CRB1: variants seen among roughly 807,000 people sequenced by gnomAD.
The protein encoded by CRB1 is protein crumbs homolog 1.
Under a neutral mutation model 120.0 loss-of-function variants are expected in CRB1, and 83 were observed. The ratio of observed to expected loss-of-function variants is 0.69; its 90% confidence interval spans 0.58 to 0.83. CRB1 has a LOEUF of 0.83. Ranked by LOEUF, CRB1 falls within the 40% of genes least tolerant of loss-of-function variation. The pLI is 0.00. For synonymous variants in CRB1, 625 were observed against 612.5 expected (o/e 1.02, Z -0.30); for missense variants, 1,699 against 1,687.6 (o/e 1.01, Z -0.12).
intron 11 of CRB1, among the ~76,000 whole-genome samples, chr1:197,463,590 C>G (rs1317452917): frequency 1.3e-5 from 2 of 152,134 alleles, no homozygotes; most frequent in Non-Finnish European, 1.5e-5. Context: ...CGTAATTAAA[C>G]AAGCCCTGAT....
intron 1 of CRB1, among the ~76,000 whole-genome samples, chr1:197,279,443 G>A (rs1469730355): frequency 6.6e-6 from 1 of 150,744 alleles, no homozygotes; most frequent in Non-Finnish European, 1.5e-5. Context: ...ATTACTTTCT[G>A]TAATTATAAA....
chr1:197,381,614 T>A (rs1175774845), intron 5 of CRB1, among the ~76,000 whole-genome samples: 1 of 152,230 alleles, frequency 6.6e-6, no homozygotes, highest in African/African-American at 2.4e-5. Context: ...ACACATAGTT[T>A]GGTCAAATTA....
chr1:197,262,355 A>G, the CRB1 span, among the ~76,000 whole-genome samples: 4 of 152,036 alleles, frequency 2.6e-5, no homozygotes, highest in African/African-American at 9.7e-5. Context: ...TTGTCTATAA[A>G]TCTTCCTTTT....
At position 197,435,602 on chromosome 1, in the gene CRB1, A is replaced by G. The variant is rs1222907981; in HGVS notation, c.3739A>G (p.Lys1247Glu). 3.1e-6 allele frequency: 5 copies of G among 1,612,034 alleles called. No individual in the cohort carries two copies. Among genetic ancestry groups the G allele is most frequent in the Non-Finnish European group, 4.2e-6 (5 of 1,178,964 alleles). ...CCTCTGTTTTGGAAATTTTACAGGAAAATTTTGCAGGTGAGCATAAAGTCC... is the reference window on the plus strand; with the variant it reads ...CCTCTGTTTTGGAAATTTTACAGGAGAATTTTGCAGGTGAGCATAAAGTCC... ...SCLCFGNFTG[K>E]FCRQSRLPST... Residue 1247 changes from lysine to glutamate, a missense_variant, in exon 9 of 12, where the codon AAA becomes GAA. Coordinates refer to ENST00000367400, the MANE Select transcript of CRB1 (RefSeq NM_201253.3).
chr1:197,385,320 G>T, intron 5 of CRB1, among the ~76,000 whole-genome samples: 1 of 152,060 alleles, frequency 6.6e-6, no homozygotes, highest in East Asian at 1.9e-4. Context: ...ATCTTTAAAA[G>T]AACAATGTAA....
the CRB1 span, among the ~76,000 whole-genome samples, chr1:197,229,097 A>G: frequency 2.6e-5 from 4 of 152,068 alleles, no homozygotes; most frequent in African/African-American, 9.7e-5. Flanking sequence ...CGTATCAAGG[A>G]CCCTCTCCGA....
chr1:197,253,423 A>G, the CRB1 span, among the ~76,000 whole-genome samples: 1 of 152,112 alleles, frequency 6.6e-6, no homozygotes, highest in African/African-American at 2.4e-5. Flanking sequence ...ATTTTTTAAC[A>G]CAGTGTATCA....
At chr1:197,319,967 AT>A (rs1658096821) in intron 1 of CRB1, among the ~76,000 whole-genome samples, 1 of 152,180 alleles carries the variant, frequency 6.6e-6, no homozygotes, top group Non-Finnish European at 1.5e-5. Context: ...TGGAGGATGA[AT>A]ATTAGTTGGC....
At position 197,275,159 on chromosome 1, in the gene CRB1, C is replaced by T. The variant is rs565645724; in HGVS notation, c.70+6677C>T. Among the ~76,000 whole-genome samples the T allele has an allele frequency of 1.4e-4, 21 of 151,970 alleles. 1 individual carries two copies. The highest frequency in any genetic ancestry group is 2.1e-4 in the South Asian group (1 of 4,832). On this transcript the variant is annotated intron_variant, in intron 1 of 11. Transcript: ENST00000367400. ...CTCTCTTCTATTCTTCTTATAAGGA[C>T]GTCAGTCATATTGGAGTAGATTCAC...
chr1:197,313,364 T>C (rs1657661459), intron 1 of CRB1, among the ~76,000 whole-genome samples: 1 of 152,220 alleles, frequency 6.6e-6, no homozygotes. Flanking sequence ...GAATGTGATA[T>C]TTTGATACAT....
At chr1:197,420,825 G>A (rs1487355745) in intron 5 of CRB1, among the ~76,000 whole-genome samples, 175 bp from the exon 6 acceptor site, 1 of 152,104 alleles carries the variant, frequency 6.6e-6, no homozygotes, top group African/African-American at 2.4e-5. Flanking sequence ...TCATGACACA[G>A]GTGGAATATA....
In CRB1 at chr1:197,419,843, C is replaced by T. The variant is rs530699156; in HGVS notation, c.1172-1157C>T. ...AAAAAAAATTAACCAGGCGTGGTGG[C>T]GGGCGCCTGTAGTCCAAGCTACTCG... On this transcript the variant is annotated intron_variant, in intron 5 of 11. Coordinates refer to ENST00000367400, the MANE Select transcript of CRB1 (RefSeq NM_201253.3). Among the ~76,000 whole-genome samples the T allele has an allele frequency of 5.1e-4, 76 of 149,928 alleles. No individual in the cohort carries two copies. In the East Asian group the frequency reaches 0.014, roughly 28 times the overall value.
chr1:197,405,308 C>T (rs2125440729), intron 5 of CRB1, among the ~76,000 whole-genome samples: 1 of 152,276 alleles, frequency 6.6e-6, no homozygotes, highest in African/African-American at 2.4e-5. Flanking sequence ...CAGCTCCTAA[C>T]CGCGAGTGAT....
intron 6 of CRB1, among the ~76,000 whole-genome samples, chr1:197,424,750 G>A (rs1346518718): frequency 6.6e-6 from 1 of 152,180 alleles, no homozygotes; most frequent in Non-Finnish European, 1.5e-5. Flanking sequence ...CGCACATTTA[G>A]ATCGAAGTGG....
intron 5 of CRB1, among the ~76,000 whole-genome samples, chr1:197,419,335 A>C (rs192405556): frequency 1.1e-3 from 172 of 151,156 alleles, no homozygotes; most frequent in Non-Finnish European, 2.0e-3. Flanking sequence ...TAAATTATTA[A>C]TTAAAAAACT....
At chr1:197,313,122 G>A (rs926821023) in intron 1 of CRB1, among the ~76,000 whole-genome samples, 4 of 152,148 alleles carry the variant, frequency 2.6e-5, no homozygotes, top group South Asian at 2.1e-4. Context: ...CTTTCTTCAC[G>A]TGGCAGCAGG....
At chr1:197,222,733 G>T in the CRB1 span, 3 of 877,596 alleles carry the variant, frequency 3.4e-6, no homozygotes, top group Admixed American at 5.1e-5. Flanking sequence ...TCTCTGAGTA[G>T]GAACAATGGA....
At chr1:197,335,853 G>A (rs1255855941) in intron 2 of CRB1, among the ~76,000 whole-genome samples, 1 of 152,182 alleles carries the variant, frequency 6.6e-6, no homozygotes, top group Non-Finnish European at 1.5e-5. Context: ...TAACATTTAA[G>A]ATGGAAATTA....
At chr1:197,341,854 T>G (rs905310339) in intron 2 of CRB1, among the ~76,000 whole-genome samples, 1 of 152,220 alleles carries the variant, frequency 6.6e-6, no homozygotes, top group Non-Finnish European at 1.5e-5. Flanking sequence ...GTTGGCTTTC[T>G]TGCTGAAACC....
Sources: allele counts gnomAD v4.1 joint callset (sites outside exome capture counted in the v4.1 genomes callset), GRCh38; gene constraint gnomAD v4.1.1; transcripts MANE v1.5; gene names NCBI Gene and HGNC (gene_info 2026-07-23, HGNC 2026-07-21).